Variants in DENND1B observed in about 807,000 individuals in gnomAD.
DENND1B encodes the protein DENN domain-containing protein 1B.
A neutral mutation model predicts 90.1 loss-of-function variants in DENND1B; 59 were observed. The observed-to-expected ratio is 0.65, with a 90% CI of 0.53 to 0.81. The LOEUF (loss-of-function observed/expected upper bound fraction) is 0.81. DENND1B is among the 40% of genes least tolerant of loss of function. The probability of loss-of-function intolerance (pLI) is 0.00; values close to 1 mark genes in which losing one functional copy is unlikely to be tolerated. For missense variants in DENND1B, 862 were observed against 912.6 expected (o/e 0.94, Z 0.71); for synonymous variants, 337 against 324.6 (o/e 1.04, Z -0.41).
At chr1:197,617,516 TAA>T in intron 11 of DENND1B, 141 bp downstream of exon 11, 1 of 612,198 alleles carries the variant, frequency 1.6e-6, no homozygotes, top group South Asian at 2.0e-5. Context: ...CTGTCCTTCA[TAA>T]AAGCCATCTT....
chr1:197,555,759 G>C (rs138332707), intron 15 of DENND1B, among the ~76,000 whole-genome samples: 89 of 152,210 alleles, frequency 5.8e-4, no homozygotes, highest in African/African-American at 2.0e-3. Flanking sequence ...GTCGGTGAGA[G>C]TGCAAATTAG....
intron 12 of DENND1B, among the ~76,000 whole-genome samples, chr1:197,611,275 G>C (rs971020910): frequency 6.6e-6 from 1 of 150,810 alleles, no homozygotes; most frequent in African/African-American, 2.4e-5. Context: ...ATTAGATGCT[G>C]ATCCTATACC....
At chr1:197,733,482 GT>G (rs1231538002) in intron 2 of DENND1B, among the ~76,000 whole-genome samples, 14 of 152,020 alleles carry the variant, frequency 9.2e-5, no homozygotes. Flanking sequence ...TTCCAGGAAA[GT>G]TTTTTTTCCT....
chr1:197,684,276 G>A (rs1036849659), intron 3 of DENND1B, among the ~76,000 whole-genome samples: 21 of 152,054 alleles, frequency 1.4e-4, no homozygotes, highest in African/African-American at 4.8e-4. Context: ...TAAATAGAGC[G>A]ACTGAGAGGC....
chr1:197,766,571 A>G (rs11806117), intron 2 of DENND1B, among the ~76,000 whole-genome samples: 2,328 of 152,298 alleles, frequency 0.015, 66 homozygotes, highest in African/African-American at 0.052. Context: ...TTTGCTATGA[A>G]GAGAGGAAAG....
intron 18 of DENND1B, among the ~76,000 whole-genome samples, chr1:197,542,760 C>G (rs1388945607): frequency 6.6e-6 from 1 of 151,982 alleles, no homozygotes; most frequent in Non-Finnish European, 1.5e-5. Context: ...GAAACAATTA[C>G]AAAGATCACA....
chr1:197,559,761 C>T (rs576116879), intron 15 of DENND1B, among the ~76,000 whole-genome samples: 2 of 151,934 alleles, frequency 1.3e-5, no homozygotes, highest in East Asian at 3.9e-4. Context: ...TAGAAATGTT[C>T]AGTAAACCTT....
Position 197,647,057 on chromosome 1 carries a change from G to A in DENND1B, c.505C>T (p.Pro169Ser). The change falls in exon 8 of 23, where the codon CCG (proline) becomes TCG (serine). Residue 169 changes from proline (P) to serine (S), a missense_variant and splice_region_variant. Transcript: ENST00000620048. ...QVLKDQPALVPHSYFIAPDVT... is the reference protein window; with the variant it reads ...QVLKDQPALVSHSYFIAPDVT... ...AAGCCAATGTCCTTTTAACTCACCG[G>A]TACTAGAGCAGGCTGATCTTTCAGA... 1 of 1,466,662 alleles carries A rather than the reference G, an allele frequency of 6.8e-7. No individual in the cohort carries two copies. The highest frequency in any genetic ancestry group is 9.0e-7 in the Non-Finnish European group (1 of 1,116,742). The allele number at this position is 1,466,662 out of a possible 1,614,324, so 90.9% of individuals were successfully genotyped here.
At chr1:197,608,830 T>C (rs973639723) in intron 12 of DENND1B, among the ~76,000 whole-genome samples, 1 of 150,606 alleles carries the variant, frequency 6.6e-6, no homozygotes, top group Non-Finnish European at 1.5e-5. Flanking sequence ...AAAAATCTGG[T>C]AATTGCTGAA....
intron 2 of DENND1B, among the ~76,000 whole-genome samples, chr1:197,727,418 C>T (rs1661741965): frequency 6.6e-6 from 1 of 151,722 alleles, no homozygotes; most frequent in South Asian, 2.1e-4. Flanking sequence ...ACCTGTAGTC[C>T]CAGCTACTTG....
chr1:197,534,405 G>C (rs1352408431), intron 20 of DENND1B, among the ~76,000 whole-genome samples: 1 of 152,140 alleles, frequency 6.6e-6, no homozygotes, highest in Non-Finnish European at 1.5e-5. Flanking sequence ...CAAAACAAAA[G>C]TCTTTGTCTC....
At chr1:197,661,997 A>C (rs1002561008) in intron 5 of DENND1B, among the ~76,000 whole-genome samples, 39 of 152,066 alleles carry the variant, frequency 2.6e-4, no homozygotes, top group Admixed American at 2.0e-3. Context: ...TGTGCTAGGC[A>C]TTTTGGTATC....
intron 2 of DENND1B, among the ~76,000 whole-genome samples, chr1:197,745,616 TTATATA>T (rs60118343): frequency 2.8e-5 from 2 of 71,818 alleles, no homozygotes; most frequent in East Asian, 3.3e-4. Flanking sequence ...CATATATATA[TTATATA>T]TATATATATA....
chr1:197,658,280 A>G lies in DENND1B; in HGVS notation c.366+20T>C, dbSNP rs1654052464. ...ATAAGTATTTTACCACAATTTAAAA[A>G]TGGGGAAAAAATAGCTTACCAGTTC... On this transcript the variant is annotated intron_variant, in intron 6 of 22. Coordinates refer to ENST00000620048, the MANE Select transcript of DENND1B (RefSeq NM_001195215.2). The G allele has an allele frequency of 5.0e-6, 8 of 1,584,768 alleles. No homozygotes were observed. The highest frequency in any genetic ancestry group is 6.9e-6 in the Non-Finnish European group (8 of 1,156,376).
chr1:197,653,224 A>T (rs1197115647), intron 6 of DENND1B, among the ~76,000 whole-genome samples: 1 of 152,128 alleles, frequency 6.6e-6, no homozygotes, highest in Non-Finnish European at 1.5e-5. Flanking sequence ...AAAACAATGT[A>T]TTTCTTGATC....
In DENND1B at chr1:197,508,206, C is replaced by T. The variant is rs1667816042; in HGVS notation, c.*2254G>A. 6.6e-6 allele frequency: 1 copy of T among 151,616 alleles called. No individual in the cohort carries two copies. The highest frequency in any genetic ancestry group is 6.6e-5 in the Admixed American group (1 of 15,176). The allele number at this position is 151,616 out of a possible 1,614,324, so 9.4% of individuals were successfully genotyped here. ...AAAAAACAAACAAAAAACCATACCT[C>T]ATTTCAAAATTCATATTAAAATGCT... On this transcript the variant is annotated 3_prime_UTR_variant, in exon 23 of 23. Transcript: ENST00000620048.
At chr1:197,746,744 G>T in intron 2 of DENND1B, 1 of 1,176,160 alleles carries the variant, frequency 8.5e-7, no homozygotes, top group Non-Finnish European at 1.3e-6. Flanking sequence ...AAGCACTCTG[G>T]CAAGTTATGC....
At chr1:197,697,174 A>G (rs1241444087) in intron 3 of DENND1B, among the ~76,000 whole-genome samples, 2 of 151,526 alleles carry the variant, frequency 1.3e-5, no homozygotes, top group African/African-American at 4.8e-5. Flanking sequence ...CATTTGCTGA[A>G]TATCTTCCAC....
At chr1:197,759,713 G>A (rs2477066) in intron 2 of DENND1B, among the ~76,000 whole-genome samples, 120,809 of 141,868 alleles carry the variant, frequency 0.85, 51,840 homozygotes, top group African/African-American at 0.95. Flanking sequence ...ACTGCACTCT[G>A]GCCTGGGTGA....
Sources: allele counts gnomAD v4.1 joint callset (sites outside exome capture counted in the v4.1 genomes callset), GRCh38; gene constraint gnomAD v4.1.1; transcripts MANE v1.5; gene names NCBI Gene and HGNC (gene_info 2026-07-23, HGNC 2026-07-21).